The following COL5A2 variants were observed in gnomAD, a reference collection of about 807,000 sequenced individuals.
COL5A2 encodes collagen alpha-2(V) chain.
In COL5A2, 23 loss-of-function variants were observed where a neutral mutation model predicts 208.2. The observed-to-expected ratio is 0.11, with a 90% CI of 0.08 to 0.16. The LOEUF (loss-of-function observed/expected upper bound fraction) is 0.16, where lower values mean the gene tolerates loss of function less well. Among genes scored for constraint, COL5A2 ranks in the 10% least tolerant of loss-of-function variants. The probability of loss-of-function intolerance (pLI) is 1.00; values close to 1 mark genes in which losing one functional copy is unlikely to be tolerated. For missense variants in COL5A2, 1,590 were observed against 1,956.4 expected, an observed-to-expected ratio of 0.81 and a Z score of 3.53; for synonymous variants, 625 against 628.5, an observed-to-expected ratio of 0.99 and a Z score of 0.08.
chr2:189,056,440 T>C (rs1685902691), intron 35 of COL5A2, among the ~76,000 whole-genome samples: 1 of 152,228 alleles, frequency 6.6e-6, no homozygotes, highest in African/African-American at 2.4e-5. Flanking sequence ...TAAATGTCAA[T>C]TTCTGACATG....
At chr2:189,395,376 G>T in the COL5A2 span, among the ~76,000 whole-genome samples, 2 of 152,214 alleles carry the variant, frequency 1.3e-5, no homozygotes, top group Admixed American at 6.5e-5. Flanking sequence ...ATCACAATTT[G>T]TTGGCCAAAT....
chr2:189,070,933 C>T (rs1288861275), intron 18 of COL5A2, among the ~76,000 whole-genome samples: 3 of 152,150 alleles, frequency 2.0e-5, no homozygotes, highest in East Asian at 1.9e-4. Flanking sequence ...TTTAAAGCAG[C>T]GGCATCCCCA....
rs1303612147 is a variant in COL5A2, at chr2:189,034,105, A to G, written c.4465T>C (p.Phe1489Leu). The G allele has an allele frequency of 6.2e-7, 1 of 1,614,056 alleles. No individual in the cohort carries two copies. The highest frequency in any genetic ancestry group is 1.1e-5 in the South Asian group (1 of 91,088). ...PVDVGGTDQE[F>L]GVEIGPVCFV ...CAAACTGGCCCAATTTCAACGCCGA[A>G]TTCCTGGTCTGTGCCGCCAACATCC... The change falls in exon 54 of 54, where the codon TTC becomes CTC. Residue 1489 changes from phenylalanine (F) to leucine (L), a missense_variant. Transcript: ENST00000374866.
the COL5A2 span, among the ~76,000 whole-genome samples, chr2:189,300,671 T>G: frequency 6.6e-6 from 1 of 152,198 alleles, no homozygotes; most frequent in Non-Finnish European, 1.5e-5. Flanking sequence ...GAGAAGTAAG[T>G]AGCAATAGCA....
At chr2:189,340,313 G>A in the COL5A2 span, among the ~76,000 whole-genome samples, 728 of 152,322 alleles carry the variant, frequency 4.8e-3, 5 homozygotes, top group Middle Eastern at 0.054. Context: ...TTAGAGTCAA[G>A]ACTTATAGCA....
intron 1 of COL5A2, among the ~76,000 whole-genome samples, chr2:189,121,522 G>A (rs1313063328): frequency 6.6e-6 from 1 of 152,082 alleles, no homozygotes; most frequent in African/African-American, 2.4e-5. Context: ...GGCTCTTGCG[G>A]TGGTGCGGGC....
intron 1 of COL5A2, among the ~76,000 whole-genome samples, chr2:189,191,851 C>A (rs576146320): frequency 9.9e-5 from 15 of 150,914 alleles, no homozygotes; most frequent in Non-Finnish European, 1.9e-4. Context: ...GAGGGAGGCA[C>A]AGAGAGACAT....
the COL5A2 span, among the ~76,000 whole-genome samples, chr2:189,324,659 A>G: frequency 5.3e-5 from 8 of 152,244 alleles, no homozygotes; most frequent in Non-Finnish European, 1.0e-4. Flanking sequence ...TTAAAAAGTC[A>G]CGAAACAACA....
chr2:189,301,932 T>G, the COL5A2 span, among the ~76,000 whole-genome samples: 1 of 152,168 alleles, frequency 6.6e-6, no homozygotes, highest in Non-Finnish European at 1.5e-5. Context: ...AAATTTTTTT[T>G]CAGACGTCAC....
chr2:189,063,122 C>T (rs1686071158), intron 27 of COL5A2, 50 bp downstream of exon 27: 4 of 1,611,374 alleles, frequency 2.5e-6, no homozygotes, highest in Admixed American at 1.7e-5. Flanking sequence ...CATACCTCCT[C>T]CAAATGAGGA....
chr2:189,400,673 C>T, the COL5A2 span, among the ~76,000 whole-genome samples: 4 of 152,024 alleles, frequency 2.6e-5, no homozygotes, highest in Non-Finnish European at 4.4e-5. Context: ...CTTTGGTGAT[C>T]CCAAAACAGC....
the COL5A2 span, among the ~76,000 whole-genome samples, chr2:189,234,592 T>C: frequency 1.3e-5 from 2 of 151,864 alleles, no homozygotes; most frequent in African/African-American, 4.8e-5. Context: ...TAAACCATTC[T>C]TCTCTGAAAA....
chr2:189,249,906 C>T, the COL5A2 span, among the ~76,000 whole-genome samples: 1 of 152,184 alleles, frequency 6.6e-6, no homozygotes, highest in African/African-American at 2.4e-5. Flanking sequence ...CCATGTTGGG[C>T]AGGCTGGTCT....
chr2:189,147,188 T>G (rs1688056020), intron 1 of COL5A2, among the ~76,000 whole-genome samples: 1 of 152,186 alleles, frequency 6.6e-6, no homozygotes, highest in Non-Finnish European at 1.5e-5. Context: ...TCCAAAATAC[T>G]GGATCAAATT....
At chr2:189,042,661 A>T in intron 49 of COL5A2, 59 bp downstream of exon 49, 1 of 1,479,260 alleles carries the variant, frequency 6.8e-7, no homozygotes, top group East Asian at 2.3e-5. Flanking sequence ...AAGCATTAGC[A>T]GTACATCAAC....
the COL5A2 span, among the ~76,000 whole-genome samples, chr2:189,267,074 A>G: frequency 1.2e-4 from 19 of 152,116 alleles, no homozygotes; most frequent in Non-Finnish European, 2.2e-4. Context: ...AATGCCAAGA[A>G]TCTTATGGTG....
chr2:189,118,457 G>T (rs1387068406), intron 1 of COL5A2, among the ~76,000 whole-genome samples: 1 of 151,980 alleles, frequency 6.6e-6, no homozygotes, highest in East Asian at 1.9e-4. Flanking sequence ...AGGGCCTCTA[G>T]AGAAAATCCA....
the COL5A2 span, among the ~76,000 whole-genome samples, chr2:189,358,683 T>A: frequency 6.6e-6 from 1 of 152,232 alleles, no homozygotes; most frequent in Admixed American, 6.5e-5. Flanking sequence ...ATTTTAAAAA[T>A]ATTAAGTCTT....
intron 1 of COL5A2, among the ~76,000 whole-genome samples, chr2:189,190,489 T>G (rs552894631): frequency 1.3e-5 from 2 of 152,238 alleles, no homozygotes; most frequent in Admixed American, 6.5e-5. Context: ...ACTTTAAAAA[T>G]AATTTATACA....
Sources: gnomAD v4.1 joint callset for allele counts (sites outside exome capture counted in the v4.1 genomes callset) on GRCh38, gnomAD v4.1.1 for gene constraint, MANE v1.5 for transcripts, NCBI Gene and HGNC (gene_info 2026-07-23, HGNC 2026-07-21) for gene names.